ZNF143: variants seen among roughly 807,000 people sequenced by gnomAD.
ZNF143 encodes the protein SPH-binding factor.
In ZNF143, 49 loss-of-function variants were observed where a neutral mutation model predicts 74.1. That is an observed-to-expected ratio of 0.66 (90% CI 0.53 to 0.84). The LOEUF is 0.84. ZNF143 is among the 40% of genes least tolerant of loss of function. ZNF143 has a pLI of 0.00. For missense variants in ZNF143, 637 were observed against 793.4 expected (o/e 0.80, Z 2.37); for synonymous variants, 304 against 282.8 (o/e 1.07, Z -0.75).
intron 7 of ZNF143, among the ~76,000 whole-genome samples, chr11:9,483,040 G>T (rs935189094): frequency 6.6e-6 from 1 of 150,554 alleles, no homozygotes; most frequent in African/African-American, 2.5e-5. Context: ...CTTGCCCAGG[G>T]TGGAGTGCAG....
intron 1 of ZNF143, among the ~76,000 whole-genome samples, chr11:9,461,371 C>G (rs933346987): frequency 1.3e-5 from 2 of 152,312 alleles, no homozygotes; most frequent in African/African-American, 4.8e-5. Context: ...AGGGGACCGC[C>G]AAGGGGAGGG....
chr11:9,493,713 A>T (rs1403036581), intron 7 of ZNF143, among the ~76,000 whole-genome samples: 1 of 152,172 alleles, frequency 6.6e-6, no homozygotes, highest in Non-Finnish European at 1.5e-5. Context: ...GACAGTCTGC[A>T]GAGATAGGAT....
intron 3 of ZNF143, among the ~76,000 whole-genome samples, chr11:9,473,086 C>G (rs1414268706): frequency 6.6e-6 from 1 of 151,840 alleles, no homozygotes; most frequent in African/African-American, 2.4e-5. Context: ...TTACCAAATA[C>G]CTGTAAGAGT....
At chr11:9,498,223 A>G (rs1848037780) in intron 10 of ZNF143, among the ~76,000 whole-genome samples, 3 of 152,202 alleles carry the variant, frequency 2.0e-5, no homozygotes, top group Non-Finnish European at 2.9e-5. Flanking sequence ...TGAAACCCTG[A>G]AATTCCATAT....
At chr11:9,525,104 T>C (rs1849077960) in intron 14 of ZNF143, 136 bp from the exon 15 acceptor site, 4 of 1,023,190 alleles carry the variant, frequency 3.9e-6, no homozygotes, top group Non-Finnish European at 5.6e-6. Context: ...CCTTTCAATA[T>C]AGGCTTTGAC....
intron 11 of ZNF143, among the ~76,000 whole-genome samples, chr11:9,501,761 G>A (rs1385502760): frequency 6.6e-6 from 1 of 151,996 alleles, no homozygotes; most frequent in Admixed American, 6.6e-5. Context: ...ATGATACTCA[G>A]TGGTTCCATA....
At chr11:9,462,532 C>T (rs1855927880) in intron 1 of ZNF143, among the ~76,000 whole-genome samples, 1 of 151,486 alleles carries the variant, frequency 6.6e-6, no homozygotes, top group Non-Finnish European at 1.5e-5. Context: ...CACTGTACTC[C>T]CGTCTGGGTG....
rs796955312 is a variant in ZNF143, at chr11:9,515,677, AAAAG to A, written c.1525-520_1525-517del. Among the ~76,000 whole-genome samples the A allele has an allele frequency of 8.7e-4, 129 of 147,686 alleles. 1 individual carries two copies. The highest frequency in any genetic ancestry group is 3.0e-3 in the African/African-American group (121 of 40,118). ...TCAAAAAAAAAAAAAAAGAAAAAGAAAAAGAAAAGAAATACTGTATTGCCGGGCA... is the reference window on the plus strand; with the variant it reads ...TCAAAAAAAAAAAAAAAGAAAAAGAAAAAAGAAATACTGTATTGCCGGGCA... On this transcript the variant is annotated intron_variant, in intron 13 of 15. Coordinates refer to ENST00000396602, the MANE Select transcript of ZNF143 (RefSeq NM_003442.6).
chr11:9,527,410 C>T, intron 15 of ZNF143, 120 bp from the exon 16 acceptor site: 1 of 862,204 alleles, frequency 1.2e-6, no homozygotes, highest in Non-Finnish European at 1.9e-6. Context: ...AGTATTTTAA[C>T]AATCCCAAGT....
chr11:9,519,944 G>A (rs1385511194), intron 14 of ZNF143, among the ~76,000 whole-genome samples: 3 of 151,916 alleles, frequency 2.0e-5, no homozygotes, highest in African/African-American at 4.8e-5. Flanking sequence ...CCAGCACTTT[G>A]GGAGGCCAAG....
chr11:9,491,418 C>G (rs1847769853), intron 7 of ZNF143, among the ~76,000 whole-genome samples: 1 of 151,972 alleles, frequency 6.6e-6, no homozygotes, highest in South Asian at 2.1e-4. Context: ...AGGCGGATCA[C>G]GAGGTCAGGA....
intron 11 of ZNF143, among the ~76,000 whole-genome samples, chr11:9,505,564 C>G (rs1228451505): frequency 6.6e-6 from 1 of 151,462 alleles, no homozygotes; most frequent in Admixed American, 6.6e-5. Flanking sequence ...TAAACATGTA[C>G]CTACGAATGA....
chr11:9,465,063 T>G (rs1341109884), intron 1 of ZNF143, among the ~76,000 whole-genome samples: 1 of 152,242 alleles, frequency 6.6e-6, no homozygotes, highest in Non-Finnish European at 1.5e-5. Context: ...CAAAATGTTA[T>G]GTATATGATA....
intron 14 of ZNF143, among the ~76,000 whole-genome samples, chr11:9,518,172 T>G (rs1848788003): frequency 6.6e-6 from 1 of 152,188 alleles, no homozygotes; most frequent in South Asian, 2.1e-4. Context: ...GTGCACATCT[T>G]TTATCATCAA....
chr11:9,470,494 TGAA>T (rs1856503817), intron 1 of ZNF143, among the ~76,000 whole-genome samples: 1 of 148,108 alleles, frequency 6.8e-6, no homozygotes, highest in Non-Finnish European at 1.5e-5. Flanking sequence ...AGCAAAGACT[TGAA>T]GAGGGTAGGG....
At chr11:9,476,746 C>CTTTTTTTTT (rs869069237) in intron 5 of ZNF143, among the ~76,000 whole-genome samples, 534 of 34,858 alleles carry the variant, frequency 0.015, 167 homozygotes, top group Middle Eastern at 0.062. Context: ...AGGGAGGAAT[C>CTTTTTTTTT]TTTTTTTTTT....
rs545059043 is a variant in ZNF143, at chr11:9,518,736, G to A, written c.1686+2374G>A. On this transcript the variant is annotated intron_variant, in intron 14 of 15. Coordinates refer to ENST00000396602, the MANE Select transcript of ZNF143 (RefSeq NM_003442.6). The stretch of plus-strand genomic sequence containing the variant: ...CCGTCTTAAAGAAAAAAAAAAAAAA[G>A]CTTCTGGTTATTTTCATAGGAAACA... Among the ~76,000 whole-genome samples the A allele has an allele frequency of 1.8e-3, 274 of 149,062 alleles. 1 individual carries two copies. The highest frequency in any genetic ancestry group is 6.4e-3 in the African/African-American group (262 of 40,978).
chr11:9,471,235 T>C, intron 1 of ZNF143, 67 bp from the exon 2 acceptor site: 2 of 1,332,546 alleles, frequency 1.5e-6, no homozygotes, highest in Non-Finnish European at 2.1e-6. Context: ...GGTTCATAAA[T>C]ATTCTTTGTA....
Position 9,500,788 on chromosome 11 carries a change from A to G in ZNF143, c.968-303A>G, listed in dbSNP as rs536402365. Among the ~76,000 whole-genome samples, 4 of 152,076 alleles carry G rather than the reference A, an allele frequency of 2.6e-5. No individual in the cohort carries two copies. In the South Asian group the frequency reaches 8.3e-4, roughly 32 times the overall value. On this transcript the variant is annotated intron_variant, in intron 10 of 15. Transcript: ENST00000396602. ...ATATTCCTGACTGTACTTTTCTTTT[A>G]TATTTCTTATGTTTTTCTCTCTGCT...
Sources: gnomAD v4.1 joint callset for allele counts (sites outside exome capture counted in the v4.1 genomes callset) on GRCh38, gnomAD v4.1.1 for gene constraint, MANE v1.5 for transcripts, NCBI Gene and HGNC (gene_info 2026-07-23, HGNC 2026-07-21) for gene names.